The following ZNF251 variants were observed in gnomAD, a reference collection of about 807,000 sequenced individuals.
ZNF251 encodes zinc finger protein 251.
ZNF251 carries 14 observed loss-of-function variants against 13.5 expected under a neutral mutation model. The ratio of observed to expected loss-of-function variants is 1.04; its 90% CI spans 0.69 to 1.63. ZNF251 has a LOEUF of 1.63. Among genes scored for constraint, ZNF251 ranks in the 40% most tolerant of loss-of-function variants. The probability of loss-of-function intolerance (pLI) is 0.00; values close to 1 mark genes in which losing one functional copy is unlikely to be tolerated. For missense variants in ZNF251, 764 were observed against 834.9 expected (o/e 0.92, Z 1.05); for synonymous variants, 287 against 295.2 (o/e 0.97, Z 0.28).
intron 4 of ZNF251, among the ~76,000 whole-genome samples, chr8:144,732,791 GAC>G (rs1823756259): frequency 7.6e-6 from 1 of 132,338 alleles, no homozygotes; most frequent in Non-Finnish European, 1.6e-5. Flanking sequence ...CAGCCTGGGC[GAC>G]AGAGCGAGAC....
intron 4 of ZNF251, among the ~76,000 whole-genome samples, chr8:144,739,932 G>A (rs868103275): frequency 6.6e-6 from 1 of 151,972 alleles, no homozygotes; most frequent in South Asian, 2.1e-4. Context: ...GGTCCCAGTG[G>A]GAACAAAGTT....
intron 4 of ZNF251, among the ~76,000 whole-genome samples, chr8:144,731,948 A>ATT (rs59877504): frequency 7.0e-6 from 1 of 141,978 alleles, no homozygotes; most frequent in Non-Finnish European, 1.5e-5. Context: ...TGACAGCTGC[A>ATT]TTTTTTTTTT....
At chr8:144,740,950 G>T (rs1824133390) in intron 4 of ZNF251, among the ~76,000 whole-genome samples, 1 of 149,566 alleles carries the variant, frequency 6.7e-6, no homozygotes, top group South Asian at 2.1e-4. Context: ...CAAAAAAAAA[G>T]AAACAAAAAA....
At chr8:144,738,041 A>G (rs1823984138) in intron 4 of ZNF251, among the ~76,000 whole-genome samples, 2 of 152,088 alleles carry the variant, frequency 1.3e-5, no homozygotes, top group African/African-American at 4.8e-5. Flanking sequence ...TTTTGGAGAC[A>G]AGAGTTTCCA....
At chr8:144,733,811 T>G (rs1031912247) in intron 4 of ZNF251, among the ~76,000 whole-genome samples, 1 of 151,580 alleles carries the variant, frequency 6.6e-6, no homozygotes, top group Non-Finnish European at 1.5e-5. Context: ...ACTGAAGAGG[T>G]TTTCTCAAGA....
In ZNF251 at chr8:144,728,862, G is replaced by A. The variant is rs187659970; in HGVS notation, c.278-5480C>T. 5.5e-4 allele frequency among the ~76,000 whole-genome samples: 84 copies of A among 151,982 alleles called. 1 individual carries two copies. In the South Asian group the frequency reaches 0.011, roughly 20 times the overall value. On this transcript the variant is annotated intron_variant, in intron 4 of 4. Transcript: ENST00000292562. ...CCCAACAGTTTGGAGGCCCAGGGGG[G>A]CAGATCACCTGAGGTCAGAAGTTTG... is the stretch of plus-strand genomic sequence containing the variant.
intron 4 of ZNF251, among the ~76,000 whole-genome samples, chr8:144,744,594 T>C (rs540088054): frequency 6.6e-6 from 1 of 152,324 alleles, no homozygotes; most frequent in African/African-American, 2.4e-5. Context: ...AGGGTCGTCA[T>C]GGCAGAATTA....
intron 4 of ZNF251, among the ~76,000 whole-genome samples, chr8:144,750,918 T>C (rs2466953): frequency 0.55 from 82,145 of 149,462 alleles, 23,321 homozygotes; most frequent in East Asian, 0.72. Flanking sequence ...AGTGCAATCT[T>C]GGCTCACTGC....
intron 4 of ZNF251, among the ~76,000 whole-genome samples, chr8:144,728,670 A>G (rs1823593948): frequency 6.6e-6 from 1 of 151,596 alleles, no homozygotes; most frequent in African/African-American, 2.4e-5. Flanking sequence ...CTCAAAAAAA[A>G]AAAAAAAAAG....
At chr8:144,738,620 A>G in intron 4 of ZNF251, 1 of 985,478 alleles carries the variant, frequency 1.0e-6, no homozygotes, top group Non-Finnish European at 1.2e-6. Flanking sequence ...CTGCAAGTCC[A>G]AACTGCCTTC....
At chr8:144,738,173 C>T (rs1054827827) in intron 4 of ZNF251, among the ~76,000 whole-genome samples, 3 of 152,192 alleles carry the variant, frequency 2.0e-5, no homozygotes, top group Admixed American at 2.0e-4. Context: ...TGCCACCATG[C>T]CTCCAGGTCC....
At chr8:144,738,611 T>C in intron 4 of ZNF251, 2 of 985,448 alleles carry the variant, frequency 2.0e-6, no homozygotes. Flanking sequence ...GCAACATGCC[T>C]GCAAGTCCAA....
At chr8:144,743,913 C>T (rs1824286104) in intron 4 of ZNF251, among the ~76,000 whole-genome samples, 1 of 151,830 alleles carries the variant, frequency 6.6e-6, no homozygotes, top group Non-Finnish European at 1.5e-5. Flanking sequence ...CATTTTCTTA[C>T]TGAGTTTTTT....
At chr8:144,751,569 T>C (rs965122926) in intron 4 of ZNF251, among the ~76,000 whole-genome samples, 1 of 151,998 alleles carries the variant, frequency 6.6e-6, no homozygotes, top group Non-Finnish European at 1.5e-5. Context: ...AAAAAGATTA[T>C]GTAAAAAGCA....
intron 4 of ZNF251, among the ~76,000 whole-genome samples, chr8:144,742,561 TA>T (rs1041749717): frequency 6.7e-6 from 1 of 149,692 alleles, no homozygotes; most frequent in Non-Finnish European, 1.5e-5. Context: ...CATGACCATC[TA>T]AAATCTCAGT....
chr8:144,726,517 C>G (rs1367392355), intron 4 of ZNF251, among the ~76,000 whole-genome samples: 2 of 151,362 alleles, frequency 1.3e-5, no homozygotes, highest in African/African-American at 4.9e-5. Flanking sequence ...GCCTGGGTGA[C>G]AGAGTGAGAC....
intron 4 of ZNF251, among the ~76,000 whole-genome samples, chr8:144,740,250 A>C (rs199984378): frequency 6.6e-6 from 1 of 152,122 alleles, no homozygotes; most frequent in Non-Finnish European, 1.5e-5. Flanking sequence ...GCGCCATTGC[A>C]CTCTAGCCTG....
At chr8:144,755,367 C>A (rs577400419) in intron 1 of ZNF251, 38 bp downstream of exon 1, 1 of 1,287,096 alleles carries the variant, frequency 7.8e-7, no homozygotes, top group Non-Finnish European at 1.0e-6. Flanking sequence ...CGCCTGCCTG[C>A]CCGCTTGGCG....
In ZNF251 at chr8:144,722,024, C is replaced by T; in HGVS notation, c.1636G>A (p.Ala546Thr). 1 of 1,607,516 alleles carries T rather than the reference C, an allele frequency of 6.2e-7. No individual in the cohort carries two copies. The highest frequency in any genetic ancestry group is 8.5e-7 in the Non-Finnish European group (1 of 1,176,570). Residue 546 changes from alanine (A) to threonine (T), a missense_variant, in exon 5 of 5, where the codon GCC becomes ACC. Transcript: ENST00000292562. This position sits in a 1 kb window ranked among gnomAD's most constrained non-coding sequence, Gnocchi z 4.8. The part of the protein sequence containing the change: ...QIPTGEKHGR[A>T]FNHGANLILR... ...ATGAGATTTGCACCATGGTTAAAGG[C>T]TCTGCCGTGCTTCTCTCCAGTGGGA...
Sources: allele counts gnomAD v4.1 joint callset (sites outside exome capture counted in the v4.1 genomes callset), GRCh38; gene constraint gnomAD v4.1.1; non-coding constraint Gnocchi (gnomAD v3.1); transcripts MANE v1.5; gene names NCBI Gene and HGNC (gene_info 2026-07-23, HGNC 2026-07-21).